The following VAX1 variants were observed in gnomAD, a reference collection of about 807,000 sequenced individuals.
The protein encoded by VAX1 is ventral anterior homeobox 1.
A neutral mutation model predicts 17.6 loss-of-function variants in VAX1; 6 were observed. That is an observed-to-expected ratio of 0.34 (90% confidence interval 0.19 to 0.67). The LOEUF (loss-of-function observed/expected upper bound fraction) is 0.67. VAX1 is among the 30% of genes least tolerant of loss of function. The probability of loss-of-function intolerance (pLI) is 0.69; values close to 1 mark genes in which losing one functional copy is unlikely to be tolerated. For missense variants in VAX1, 408 were observed against 463.7 expected (o/e 0.88, Z 1.10); for synonymous variants, 256 against 227.4 (o/e 1.13, Z -1.13).
In VAX1 at chr10:117,137,776, G is replaced by T; in HGVS notation, c.241+40C>A. On this transcript the variant is annotated intron_variant, in intron 1 of 2. Coordinates refer to ENST00000369206, the MANE Select transcript of VAX1 (RefSeq NM_001112704.2). This position sits in a 1 kb window ranked among gnomAD's most constrained non-coding sequence, Gnocchi z 7.4. ...AGCGCGCAGCTCCGGCCCCGGAGTC[G>T]ACCCCAAAGAACGCGCCTGGCAGCC... 3 of 1,608,916 alleles carry T rather than the reference G, an allele frequency of 1.9e-6. No homozygotes were observed. The South Asian group carries it at 3.3e-5, about 18-fold the overall frequency.
In VAX1 at chr10:117,136,350, A is replaced by G. The variant is rs981185294; in HGVS notation, c.429+122T>C. The G allele has an allele frequency of 2.4e-6, 3 of 1,229,312 alleles. No individual in the cohort carries two copies. The highest frequency in any genetic ancestry group is 3.4e-6 in the Non-Finnish European group (3 of 892,048). 76.2% of individuals were successfully genotyped at this position (1,229,312 alleles called of 1,614,324 possible). A position where few individuals can be genotyped will look rare whatever the true frequency, so the allele number is the denominator to read the frequency against. On this transcript the variant is annotated intron_variant, in intron 2 of 2. Coordinates refer to ENST00000369206, the MANE Select transcript of VAX1 (RefSeq NM_001112704.2). This position sits in a 1 kb window ranked among gnomAD's most constrained non-coding sequence, Gnocchi z 5.0. Reference sequence around the variant, plus strand: ...TAGGCCTGTCTTACCCATCCTTCCCATCTCCTCCACCTCCCAAGGGTAGTT... The same window carrying G: ...TAGGCCTGTCTTACCCATCCTTCCCGTCTCCTCCACCTCCCAAGGGTAGTT...
Position 117,133,405 on chromosome 10 carries a change from C to T in VAX1, c.*603G>A. 2 of 985,532 alleles carry T rather than the reference C, an allele frequency of 2.0e-6. No individual in the cohort carries two copies. Among genetic ancestry groups the T allele is most frequent in the Non-Finnish European group, 2.4e-6 (2 of 830,082 alleles). 61.0% of individuals were successfully genotyped at this position (985,532 alleles called of 1,614,324 possible). A position where few individuals can be genotyped will look rare whatever the true frequency, so the allele number is the denominator to read the frequency against. On this transcript the variant is annotated 3_prime_UTR_variant, in exon 3 of 3. Coordinates refer to ENST00000369206, the MANE Select transcript of VAX1 (RefSeq NM_001112704.2). Reference sequence around the variant, plus strand: ...TCGGGGGTGGTTGTGATTGGAGTTGCCCTAAAGGGGAGAAAAACCGCAGGA... The same window carrying T: ...TCGGGGGTGGTTGTGATTGGAGTTGTCCTAAAGGGGAGAAAAACCGCAGGA...
Position 117,136,560 on chromosome 10 carries a change from C to T in VAX1, c.341G>A (p.Arg114Gln). The T allele has an allele frequency of 1.2e-6, 2 of 1,613,806 alleles. No homozygotes were observed. Among genetic ancestry groups the T allele is most frequent in the Non-Finnish European group, 1.7e-6 (2 of 1,180,026 alleles). ...RTSFTAEQLY[R>Q]LEMEFQRCQY... ...GCAGCGCTGGAACTCCATCTCCAGCCGATAGAGCTGCTCCGCGGTGAAGGA... is the reference window on the plus strand; with the variant it reads ...GCAGCGCTGGAACTCCATCTCCAGCTGATAGAGCTGCTCCGCGGTGAAGGA... The change falls in exon 2 of 3, where the codon CGG becomes CAG. Residue 114 changes from arginine to glutamine, a missense_variant. By Grantham distance (43) the Arg-to-Gln change is conservative. Transcript: ENST00000369206. This position sits in a 1 kb window ranked among gnomAD's most constrained non-coding sequence, Gnocchi z 5.0.
chr10:117,137,735 G>A lies in VAX1; in HGVS notation c.241+81C>T, dbSNP rs1185081486. 2 of 1,600,798 alleles carry A rather than the reference G, an allele frequency of 1.2e-6. No individual in the cohort carries two copies. The highest frequency in any genetic ancestry group is 1.7e-6 in the Non-Finnish European group (2 of 1,179,132). On this transcript the variant is annotated intron_variant, in intron 1 of 2. Transcript: ENST00000369206. This position sits in a 1 kb window ranked among gnomAD's most constrained non-coding sequence, Gnocchi z 7.4. ...GTCCCAGCCGGCACTCCTTCCCACC[G>A]GCCTGTGTCGGCGGCAGCGCGCAGC...
At chr10:117,131,823 A>T (rs1854088283), downstream of VAX1, 1 of 192,522 alleles carries the variant, frequency 5.2e-6, no homozygotes, top group Non-Finnish European at 1.0e-5. Flanking sequence ...CTGCTCCTTC[A>T]AAGTTTCTCT....
downstream of VAX1, chr10:117,130,904 G>A (rs187924200): frequency 6.5e-6 from 1 of 152,750 alleles, no homozygotes; most frequent in East Asian, 1.9e-4. Context: ...AGGAGAAAGA[G>A]CAGGAAGCTG....
At position 117,134,478 on chromosome 10, in the gene VAX1, G is replaced by C; in HGVS notation, c.535C>G (p.Leu179Val). The change falls in exon 3 of 3, where the codon CTA (leucine) becomes GTA (valine). Residue 179 changes from leucine (L) to valine (V), a missense_variant. Coordinates refer to ENST00000369206, the MANE Select transcript of VAX1 (RefSeq NM_001112704.2). The surrounding 1 kb of genome is among the most constrained non-coding windows in gnomAD (Gnocchi z 6.2). ...AGGCGGCCCTGCTCCAGCAGCCGTA[G>C]CACGCTGCACGTGGCCGCGGTCTCC... ...VSETAATCSV[L>V]RLLEQGRLLS... 1 of 1,524,874 alleles carries C rather than the reference G, an allele frequency of 6.6e-7. No homozygotes were observed. The highest frequency in any genetic ancestry group is 1.2e-5 in the South Asian group (1 of 83,072). The allele number at this position is 1,524,874 out of a possible 1,614,324, so 94.5% of individuals were successfully genotyped here. A position where few individuals can be genotyped will look rare whatever the true frequency, so the allele number is the denominator to read the frequency against.
chr10:117,137,510 T>C lies in VAX1; in HGVS notation c.241+306A>G, dbSNP rs1374167825. 6.6e-6 allele frequency among the ~76,000 whole-genome samples: 1 copy of C among 151,676 alleles called. No individual in the cohort carries two copies. Among genetic ancestry groups the C allele is most frequent in the Non-Finnish European group, 1.5e-5 (1 of 67,902 alleles). On this transcript the variant is annotated intron_variant, in intron 1 of 2. Coordinates refer to ENST00000369206, the MANE Select transcript of VAX1 (RefSeq NM_001112704.2). This position sits in a 1 kb window ranked among gnomAD's most constrained non-coding sequence, Gnocchi z 7.4. ...GGAGCGCGCACACCTCCTCCCGGAG[T>C]TTTCTGCTCCTTTCCCGGGTCGGAG...
Position 117,134,259 on chromosome 10 carries a change from C to A in VAX1, c.754G>T (p.Gly252Cys), listed in dbSNP as rs897985454. The change falls in exon 3 of 3, where the codon GGT becomes TGT. Residue 252 changes from glycine (G) to cysteine (C), a missense_variant. Around this residue, in one of 4 missense-constraint regions of VAX1, gnomAD observed 196 missense variants for 218.7 expected, o/e 0.90. Coordinates refer to ENST00000369206, the MANE Select transcript of VAX1 (RefSeq NM_001112704.2). This position sits in a 1 kb window ranked among gnomAD's most constrained non-coding sequence, Gnocchi z 6.2. ...PHPPAVGGAP[G>C]PGPAGPGGLH... The stretch of plus-strand genomic sequence containing the variant: ...CCCCCCGGCCCGGCGGGCCCGGGAC[C>A]TGGAGCACCGCCCACAGCCGGCGGG... 25 of 1,349,180 alleles carry A rather than the reference C, an allele frequency of 1.9e-5. No homozygotes were observed. The African/African-American group carries it at 3.9e-4, about 21-fold the overall frequency. 83.6% of individuals were successfully genotyped at this position (1,349,180 alleles called of 1,614,324 possible).
At position 117,133,650 on chromosome 10, in the gene VAX1, G is replaced by T; in HGVS notation, c.*358C>A. On this transcript the variant is annotated 3_prime_UTR_variant, in exon 3 of 3. Transcript: ENST00000369206. ...AGCGGCAGCAGCCGCAGCAGCCGCG[G>T]ATCTAGAGCAAACGTCCTGTGCTTT... 1 of 1,007,894 alleles carries T rather than the reference G, an allele frequency of 9.9e-7. No homozygotes were observed. The highest frequency in any genetic ancestry group is 1.2e-6 in the Non-Finnish European group (1 of 845,260). 62.4% of individuals were successfully genotyped at this position (1,007,894 alleles called of 1,614,324 possible). A position where few individuals can be genotyped will look rare whatever the true frequency, so the allele number is the denominator to read the frequency against.
Position 117,133,927 on chromosome 10 carries a change from C to T in VAX1, c.*81G>A. On this transcript the variant is annotated 3_prime_UTR_variant, in exon 3 of 3. Coordinates refer to ENST00000369206, the MANE Select transcript of VAX1 (RefSeq NM_001112704.2). ...GGGAGCCAGGAGCCCAGCGCAGGAG[C>T]TCTGGGCACCTAATGCGCGTGAGTC... 6.9e-7 allele frequency: 1 copy of T among 1,439,064 alleles called. No individual in the cohort carries two copies. Among genetic ancestry groups the T allele is most frequent in the Non-Finnish European group, 9.1e-7 (1 of 1,103,478 alleles). 89.1% of individuals were successfully genotyped at this position (1,439,064 alleles called of 1,614,324 possible).
rs1013514102 is a variant in VAX1, at chr10:117,133,880, G to C, written c.*128C>G. The C allele has an allele frequency of 5.5e-5, 77 of 1,388,372 alleles. No individual in the cohort carries two copies. In the Middle Eastern group the frequency reaches 1.3e-3, roughly 24 times the overall value. 86.0% of individuals were successfully genotyped at this position (1,388,372 alleles called of 1,614,324 possible). A position where few individuals can be genotyped will look rare whatever the true frequency, so the allele number is the denominator to read the frequency against. Reference sequence around the variant, plus strand: ...ATTGGTAGCAGAGTCTAGTGGGAAAGGAGAGCTGTCAGAGGCCTGGTGGGA... The same window carrying C: ...ATTGGTAGCAGAGTCTAGTGGGAAACGAGAGCTGTCAGAGGCCTGGTGGGA... On this transcript the variant is annotated 3_prime_UTR_variant, in exon 3 of 3. Transcript: ENST00000369206.
rs2133661136 is a variant in VAX1 at position 117,134,984 on chromosome 10, G to T, written c.430-401C>A. Among the ~76,000 whole-genome samples, 1 of 152,348 alleles carries T rather than the reference G, an allele frequency of 6.6e-6. No individual in the cohort carries two copies. The highest frequency in any genetic ancestry group is 3.4e-3 in the Middle Eastern group (1 of 294). On this transcript the variant is annotated intron_variant, in intron 2 of 2. Transcript: ENST00000369206. The surrounding 1 kb of genome is among the most constrained non-coding windows in gnomAD (Gnocchi z 6.2). ...CCAAAGCCGGAATTTCCGGTGGAGGGTGTGAGGCCCTAGGGTGCGGGTGCG... is the reference window on the plus strand; with the variant it reads ...CCAAAGCCGGAATTTCCGGTGGAGGTTGTGAGGCCCTAGGGTGCGGGTGCG...
At chr10:117,128,623 C>T (rs532537270), downstream of VAX1, 1 of 152,216 alleles carries the variant, frequency 6.6e-6, no homozygotes, top group African/African-American at 2.4e-5. Flanking sequence ...AGAAGATAGG[C>T]AAATGTGTTT....
chr10:117,130,524 T>C (rs963010403), downstream of VAX1: 3 of 152,248 alleles, frequency 2.0e-5, no homozygotes, highest in African/African-American at 7.2e-5. Context: ...CCTGCAGCTG[T>C]TTCTCCTTCC....
At chr10:117,132,256 C>T (rs1161794063), downstream of VAX1, 1 of 1,614,166 alleles carries the variant, frequency 6.2e-7, no homozygotes, top group Admixed American at 1.7e-5. This position sits in a 1 kb window ranked among gnomAD's most constrained non-coding sequence, Gnocchi z 4.9. Context: ...CGCCGAGACT[C>T]ATCATTTGCT....
At position 117,138,263 on chromosome 10, in the gene VAX1, G is replaced by T; in HGVS notation, c.-207C>A. The T allele has an allele frequency of 3.1e-6, 2 of 645,458 alleles. No individual in the cohort carries two copies. Among genetic ancestry groups the T allele is most frequent in the Non-Finnish European group, 5.2e-6 (2 of 384,998 alleles). The allele number at this position is 645,458 out of a possible 1,614,324, so 40.0% of individuals were successfully genotyped here. ...CGGCCGCGCGCGGGTCAGCGGCGAC[G>T]GGAGAGTGGCGCGCTCGCCGAGAGG... On this transcript the variant is annotated 5_prime_UTR_variant, in exon 1 of 3. Transcript: ENST00000369206.
Position 117,133,672 on chromosome 10 carries a change from C to CTTTG in VAX1, c.*332_*335dup, listed in dbSNP as rs1241155763. 2 of 1,042,160 alleles carry CTTTG rather than the reference C, an allele frequency of 1.9e-6. No homozygotes were observed. The highest frequency in any genetic ancestry group is 3.4e-5 in the African/African-American group (2 of 58,918). 64.6% of individuals were successfully genotyped at this position (1,042,160 alleles called of 1,614,324 possible). A position where few individuals can be genotyped will look rare whatever the true frequency, so the allele number is the denominator to read the frequency against. On this transcript the variant is annotated 3_prime_UTR_variant, in exon 3 of 3. Transcript: ENST00000369206. ...GCGGATCTAGAGCAAACGTCCTGTG[C>CTTTG]TTTGGAGTTAGAACCAGTCTTTTCC...
Position 117,134,200 on chromosome 10 carries a change from G to A in VAX1, c.813C>T (p.Ser271=). 2 of 1,481,332 alleles carry A rather than the reference G, an allele frequency of 1.4e-6. No homozygotes were observed. Among genetic ancestry groups the A allele is most frequent in the East Asian group, 2.9e-5 (1 of 34,254 alleles). The allele number at this position is 1,481,332 out of a possible 1,614,324, so 91.8% of individuals were successfully genotyped here. ...LHAGAPAAGH[S]LFSLPVPSLL... ...GCGAGGGCACCGGCAGGCTGAAGAG[G>A]CTGTGGCCCGCGGCCGGGGCGCCTG... Residue 271 remains serine (S), a synonymous_variant, in exon 3 of 3, where the codon AGC becomes AGT. Transcript: ENST00000369206. The surrounding 1 kb of genome is among the most constrained non-coding windows in gnomAD (Gnocchi z 6.2).
Sources: allele counts gnomAD v4.1 joint callset (sites outside exome capture counted in the v4.1 genomes callset), GRCh38; gene constraint gnomAD v4.1.1; regional missense constraint gnomAD v4.1.1; non-coding constraint Gnocchi (gnomAD v3.1); transcripts MANE v1.5; gene names NCBI Gene and HGNC (gene_info 2026-07-23, HGNC 2026-07-21).